Variants in MTG2 observed in about 807,000 individuals in gnomAD.
MTG2 encodes mitochondrial ribosome-associated GTPase 2.
In MTG2, 23 loss-of-function variants were observed where a neutral mutation model predicts 28.6. The observed-to-expected ratio is 0.80, with a 90% CI of 0.58 to 1.14. MTG2 has a LOEUF of 1.14. MTG2 is among the 50% of genes most tolerant of loss of function. The pLI is 0.00. For synonymous variants in MTG2, 260 were observed against 251.8 expected, an observed-to-expected ratio of 1.03 and a Z score of -0.31; for missense variants, 539 against 552.0, an observed-to-expected ratio of 0.98 and a Z score of 0.24.
chr20:62,186,008 T>C (rs1313914668), intron 1 of MTG2, among the ~76,000 whole-genome samples: 2 of 152,222 alleles, frequency 1.3e-5, no homozygotes, highest in Non-Finnish European at 2.9e-5. Flanking sequence ...TGCAACCTTC[T>C]CTGCGGTTGA....
Position 62,200,684 on chromosome 20 carries a change from G to A in MTG2, c.828G>A (p.Val276=). ...VHYEGHLQIA[V]ADIPGIIRGA... ...CGTGTGCCCCTGTCTTCCCTGCAGT[G>A]GCCGACATCCCCGGCATCATACGAG... Residue 276 remains valine (V), a splice_region_variant and synonymous_variant, in exon 7 of 7, where the codon GTG becomes GTA. Transcript: ENST00000370823. 1.2e-6 allele frequency: 2 copies of A among 1,603,756 alleles called. No individual in the cohort carries two copies. The highest frequency in any genetic ancestry group is 2.2e-5 in the South Asian group (2 of 90,342).
chr20:62,193,270 G>A, intron 1 of MTG2, 146 bp from the exon 2 acceptor site: 1 of 786,868 alleles, frequency 1.3e-6, no homozygotes, highest in Non-Finnish European at 2.1e-6. Context: ...GAGAGGGTGA[G>A]TGACCAGGAA....
chr20:62,193,327 G>A (rs1344005541), intron 1 of MTG2, 89 bp from the exon 2 acceptor site: 1 of 1,269,958 alleles, frequency 7.9e-7, no homozygotes, highest in African/African-American at 1.5e-5. Flanking sequence ...CGTGCACAAA[G>A]ACCTGCTGCA....
intron 6 of MTG2, 162 bp downstream of exon 6, chr20:62,199,419 G>A (rs2058122044): frequency 7.5e-6 from 6 of 797,112 alleles, no homozygotes; most frequent in Non-Finnish European, 7.6e-6. Flanking sequence ...GCCGAGGCAG[G>A]CGGATCACGA....
intron 3 of MTG2, among the ~76,000 whole-genome samples, chr20:62,196,884 T>C (rs902449836): frequency 6.7e-6 from 1 of 149,044 alleles, no homozygotes; most frequent in African/African-American, 2.5e-5. Flanking sequence ...CAAAAAAAAT[T>C]AGCTGGGCGT....
Position 62,193,633 on chromosome 20 carries a change from C to T in MTG2, c.204+9C>T. ...TCTCTGAGAAAAAGCTGGTGAGACTCCTGGAGTTAGAGCAGCTTGCCTGTC... is the reference window on the plus strand; with the variant it reads ...TCTCTGAGAAAAAGCTGGTGAGACTTCTGGAGTTAGAGCAGCTTGCCTGTC... On this transcript the variant is annotated intron_variant, in intron 2 of 6. Coordinates refer to ENST00000370823, the MANE Select transcript of MTG2 (RefSeq NM_015666.4). The T allele has an allele frequency of 6.2e-7, 1 of 1,603,890 alleles. No individual in the cohort carries two copies. Among genetic ancestry groups the T allele is most frequent in the Non-Finnish European group, 8.5e-7 (1 of 1,175,646 alleles).
intron 6 of MTG2, among the ~76,000 whole-genome samples, chr20:62,199,503 G>A (rs1394298985): frequency 6.6e-6 from 1 of 151,600 alleles, no homozygotes; most frequent in Non-Finnish European, 1.5e-5. Context: ...AAAATTAGCT[G>A]GGTGTGGTGG....
chr20:62,195,912 A>G lies in MTG2; in HGVS notation c.315A>G (p.Gly105=). The change falls in exon 3 of 7, where the codon GGA becomes GGG. Residue 105 remains glycine, a synonymous_variant. Transcript: ENST00000370823. ...GCAAGGAGTTTGGAGGCCCTGATGG[A>G]GGGGACGGAGGCAACGGTGGACACG... The part of the protein sequence containing the change: ...EPRKEFGGPD[G]GDGGNGGHVI... 1.9e-6 allele frequency: 3 copies of G among 1,614,118 alleles called. No individual in the cohort carries two copies. The highest frequency in any genetic ancestry group is 2.5e-6 in the Non-Finnish European group (3 of 1,180,012).
chr20:62,200,971 C>G lies in MTG2; in HGVS notation c.1115C>G (p.Ala372Gly). Residue 372 changes from alanine to glycine, a missense_variant, in exon 7 of 7, where the codon GCG (alanine) becomes GGG (glycine). By Grantham distance (60) the Ala-to-Gly change is moderately conservative. Transcript: ENST00000370823. ...HLGQEVIVLS[A>G]LTGENLEQLL... ...GGACAGGAGGTCATCGTGCTGTCGG[C>G]GTTGACCGGCGAGAACCTGGAGCAG... 1 of 1,613,930 alleles carries G rather than the reference C, an allele frequency of 6.2e-7. No homozygotes were observed.
intron 1 of MTG2, among the ~76,000 whole-genome samples, chr20:62,184,458 G>C (rs1458757245): frequency 6.6e-6 from 1 of 152,240 alleles, no homozygotes; most frequent in Non-Finnish European, 1.5e-5. Context: ...GCAGGTTAAT[G>C]ACAGTTGGTC....
At chr20:62,191,910 G>A (rs917402827) in intron 1 of MTG2, among the ~76,000 whole-genome samples, 1 of 152,216 alleles carries the variant, frequency 6.6e-6, no homozygotes, top group African/African-American at 2.4e-5. Context: ...GCGGCTTGTT[G>A]AATGAGTGAC....
At chr20:62,195,511 G>A (rs939754681) in intron 2 of MTG2, among the ~76,000 whole-genome samples, 2 of 152,102 alleles carry the variant, frequency 1.3e-5, no homozygotes, top group African/African-American at 4.8e-5. Context: ...TTTTGTTGTT[G>A]GTTTTTAAAT....
At chr20:62,195,341 C>T (rs1246951070) in intron 2 of MTG2, among the ~76,000 whole-genome samples, 1 of 152,130 alleles carries the variant, frequency 6.6e-6, no homozygotes, top group Non-Finnish European at 1.5e-5. Context: ...TGTCCAGGAA[C>T]GATTCTAACT....
Position 62,191,624 on chromosome 20 carries a change from G to A in MTG2, c.-5-1792G>A, listed in dbSNP as rs574502627. ...GAGGCGTCCGAGGCACTGCGAGGGAGGAGGCAGGCGGTGTCCCCTCGTTGT... is the reference window on the plus strand; with the variant it reads ...GAGGCGTCCGAGGCACTGCGAGGGAAGAGGCAGGCGGTGTCCCCTCGTTGT... On this transcript the variant is annotated intron_variant, in intron 1 of 6. Transcript: ENST00000370823. 4.6e-5 allele frequency among the ~76,000 whole-genome samples: 7 copies of A among 152,312 alleles called. No homozygotes were observed. The East Asian group carries it at 1.2e-3, about 25-fold the overall frequency.
rs2058180932 is a variant in MTG2, at chr20:62,202,066, GGGATGGCAGCTGA to G, written c.*992_*1004del. ...AGATGATGGGCCTTCGCCCCTCAGTGGGATGGCAGCTGAGGGGGCCCTGCATTTGACCGTCGAG... is the reference window on the plus strand; with the variant it reads ...AGATGATGGGCCTTCGCCCCTCAGTGGGGGGCCCTGCATTTGACCGTCGAG... On this transcript the variant is annotated 3_prime_UTR_variant, in exon 7 of 7. Transcript: ENST00000370823. 1 of 152,298 alleles carries G rather than the reference GGGATGGCAGCTGA, an allele frequency of 6.6e-6. No homozygotes were observed. The highest frequency in any genetic ancestry group is 1.5e-5 in the Non-Finnish European group (1 of 68,088). The allele number at this position is 152,298 out of a possible 1,614,324, so 9.4% of individuals were successfully genotyped here. A position where few individuals can be genotyped will look rare whatever the true frequency, so the allele number is the denominator to read the frequency against.
At chr20:62,198,590 C>T (rs1177710450) in intron 4 of MTG2, 44 bp from the exon 5 acceptor site, 3 of 1,594,022 alleles carry the variant, frequency 1.9e-6, no homozygotes, top group Non-Finnish European at 2.6e-6. Context: ...CTCCTTTCCT[C>T]ACTGCTGGTA....
At position 62,193,552 on chromosome 20, in the gene MTG2, C is replaced by T. The variant is rs765857318; in HGVS notation, c.132C>T (p.Leu44=). ...LLPQRASPRL[L]SVGRADLAKH... Reference sequence around the variant, plus strand: ...CACAGCGGGCTTCTCCCAGGCTGCTCTCGGTCGGCCGTGCGGACCTCGCCA... The same window carrying T: ...CACAGCGGGCTTCTCCCAGGCTGCTTTCGGTCGGCCGTGCGGACCTCGCCA... Residue 44 remains leucine (L), a synonymous_variant, in exon 2 of 7, where the codon CTC becomes CTT. Coordinates refer to ENST00000370823, the MANE Select transcript of MTG2 (RefSeq NM_015666.4). 3.1e-6 allele frequency: 5 copies of T among 1,614,022 alleles called. No individual in the cohort carries two copies. In the Admixed American group the frequency reaches 8.3e-5, roughly 27 times the overall value.
At position 62,195,932 on chromosome 20, in the gene MTG2, G is replaced by T. The variant is rs1389348106; in HGVS notation, c.335G>T (p.Gly112Val). The change falls in exon 3 of 7, where the codon GGA (glycine) becomes GTA (valine). Residue 112 changes from glycine to valine, a missense_variant. By Grantham distance (109) the Gly-to-Val change is moderately radical. Coordinates refer to ENST00000370823, the MANE Select transcript of MTG2 (RefSeq NM_015666.4). ...GPDGGDGGNG[G>V]HVILRVDQQV... The stretch of plus-strand genomic sequence containing the variant: ...GATGGAGGGGACGGAGGCAACGGTG[G>T]ACACGTCATTCTGAGAGGCAGGTGC... 3 of 1,614,042 alleles carry T rather than the reference G, an allele frequency of 1.9e-6. No individual in the cohort carries two copies. Among genetic ancestry groups the T allele is most frequent in the Non-Finnish European group, 2.5e-6 (3 of 1,180,038 alleles).
chr20:62,198,504 GGGGC>G (rs1355012382), intron 4 of MTG2, 126 bp from the exon 5 acceptor site: 8 of 941,206 alleles, frequency 8.5e-6, no homozygotes, highest in African/African-American at 3.2e-5. Context: ...AGAGGTGAGT[GGGGC>G]GGGCAGCTGC....
Sources: gnomAD v4.1 joint callset for allele counts (sites outside exome capture counted in the v4.1 genomes callset) on GRCh38, gnomAD v4.1.1 for gene constraint, MANE v1.5 for transcripts, NCBI Gene and HGNC (gene_info 2026-07-23, HGNC 2026-07-21) for gene names.